The following BTN3A2 variants were observed in gnomAD, a reference collection of about 807,000 sequenced individuals.
The protein encoded by BTN3A2 is butyrophilin protein.
Under a neutral mutation model 37.6 loss-of-function variants are expected in BTN3A2, and 25 were observed. That is an observed-to-expected ratio of 0.66 (90% CI 0.48 to 0.93). The LOEUF is 0.93. Among genes scored for constraint, BTN3A2 ranks in the 40% least tolerant of loss-of-function variants. The pLI, the probability that BTN3A2 is intolerant of heterozygous loss-of-function variation, is 0.00. For synonymous variants in BTN3A2, 122 were observed against 159.4 expected (o/e 0.77, Z 1.77); for missense variants, 266 against 410.9 (o/e 0.65, Z 3.05).
intron 8 of BTN3A2, chr6:26,373,910 C>T (rs1760409017): frequency 1.1e-5 from 2 of 182,716 alleles, no homozygotes; most frequent in Admixed American, 1.2e-4. Context: ...CTTTCAAAAA[C>T]TAGTCCCTGA....
chr6:26,376,140 A>G lies in BTN3A2; in HGVS notation c.*378A>G, dbSNP rs28551159. 15,499 of 211,732 alleles carry G rather than the reference A, an allele frequency of 0.073. 767 individuals carry two copies. Among genetic ancestry groups the G allele is most frequent in the Non-Finnish European group, 0.098 (10,280 of 105,288 alleles). 13.1% of individuals were successfully genotyped at this position (211,732 alleles called of 1,614,324 possible). ...AGGCAGGAGAATGGCATGAACCCGG[A>G]AGGCAGAGCTTGCAGTGAGCCGAGA... On this transcript the variant is annotated 3_prime_UTR_variant, in exon 11 of 11. Transcript: ENST00000377708.
intron 8 of BTN3A2, 163 bp from the exon 9 acceptor site, chr6:26,374,164 T>A: frequency 1.9e-6 from 1 of 520,966 alleles, no homozygotes; most frequent in Non-Finnish European, 3.2e-6. Context: ...GAAAGAATTG[T>A]ACCTGAAGAT....
Position 26,370,347 on chromosome 6 carries a change from A to C in BTN3A2, c.459A>C (p.Glu153Asp). Residue 153 changes from glutamate (E) to aspartate (D), a missense_variant, in exon 5 of 11, where the codon GAA becomes GAC. Transcript: ENST00000377708. Reference protein sequence around the residue: ...VAALGSNLHVEVKGYEDGGIH... With the variant: ...VAALGSNLHVDVKGYEDGGIH... ...CACTGGGTTCTAATCTTCACGTCGAAGTGAAGGGTTATGAGGATGGAGGGA... is the reference window on the plus strand; with the variant it reads ...CACTGGGTTCTAATCTTCACGTCGACGTGAAGGGTTATGAGGATGGAGGGA... 1.2e-6 allele frequency: 2 copies of C among 1,614,178 alleles called. No individual in the cohort carries two copies. The highest frequency in any genetic ancestry group is 1.7e-6 in the Non-Finnish European group (2 of 1,180,014).
At chr6:26,367,452 T>C (rs1759622005) in intron 1 of BTN3A2, among the ~76,000 whole-genome samples, 1 of 152,228 alleles carries the variant, frequency 6.6e-6, no homozygotes, top group Non-Finnish European at 1.5e-5. Context: ...AATGGTTTTG[T>C]CCCATGACTG....
At chr6:26,365,489 T>TGC in intron 1 of BTN3A2, 137 bp downstream of exon 1, 7 of 639,184 alleles carry the variant, frequency 1.1e-5, no homozygotes, top group Non-Finnish European at 1.8e-5. Flanking sequence ...TGTGTGTGTG[T>TGC]GTGTGTGTGT....
In BTN3A2 at chr6:26,375,934, C is replaced by T; in HGVS notation, c.*172C>T. ...GAAAATTAACCTCTGAGGGCCAGCA[C>T]AGCAGCTCATGCCTGTAATCCTAGC... On this transcript the variant is annotated 3_prime_UTR_variant, in exon 11 of 11. Coordinates refer to ENST00000377708, the MANE Select transcript of BTN3A2 (RefSeq NM_007047.5). 1 of 1,376,426 alleles carries T rather than the reference C, an allele frequency of 7.3e-7. No individual in the cohort carries two copies. The highest frequency in any genetic ancestry group is 1.0e-6 in the Non-Finnish European group (1 of 998,124). 85.3% of individuals were successfully genotyped at this position (1,376,426 alleles called of 1,614,324 possible). A position where few individuals can be genotyped will look rare whatever the true frequency, so the allele number is the denominator to read the frequency against.
In BTN3A2 at chr6:26,375,798, T is replaced by G. The variant is rs181807690; in HGVS notation, c.*36T>G. The G allele has an allele frequency of 4.2e-4, 654 of 1,550,344 alleles. 6 individuals carry two copies. The highest frequency in any genetic ancestry group is 3.6e-3 in the Admixed American group (184 of 50,980). On this transcript the variant is annotated splice_region_variant and 3_prime_UTR_variant, in exon 11 of 11. Transcript: ENST00000377708. Reference sequence around the variant, plus strand: ...CATATGTTTATCCCCATTTTTCAGGTGAGGAAATGCTTCAGATGAGGCTCC... The same window carrying G: ...CATATGTTTATCCCCATTTTTCAGGGGAGGAAATGCTTCAGATGAGGCTCC...
At position 26,376,677 on chromosome 6, in the gene BTN3A2, C is replaced by A. The variant is rs775902280; in HGVS notation, c.*915C>A. 8.6e-5 allele frequency: 132 copies of A among 1,528,096 alleles called. No homozygotes were observed. The highest frequency in any genetic ancestry group is 3.7e-4 in the Admixed American group (22 of 59,730). 94.7% of individuals were successfully genotyped at this position (1,528,096 alleles called of 1,614,324 possible). A position where few individuals can be genotyped will look rare whatever the true frequency, so the allele number is the denominator to read the frequency against. ...GGAGCCCCATGACCTACCAGACAAC[C>A]CTGAGAGATTTGAATGGCGTTACTG... On this transcript the variant is annotated 3_prime_UTR_variant, in exon 11 of 11. Transcript: ENST00000377708.
In BTN3A2 at chr6:26,376,482, C is replaced by A. The variant is rs1420850171; in HGVS notation, c.*720C>A. The A allele has an allele frequency of 8.8e-7, 1 of 1,134,750 alleles. No individual in the cohort carries two copies. The highest frequency in any genetic ancestry group is 1.2e-6 in the Non-Finnish European group (1 of 838,678). 70.3% of individuals were successfully genotyped at this position (1,134,750 alleles called of 1,614,324 possible). The stretch of plus-strand genomic sequence containing the variant: ...TAGGGACACGGGGTTCTGGAAGGAC[C>A]TCCTCAGCATGGCCCAAGCCTTGCA... On this transcript the variant is annotated 3_prime_UTR_variant, in exon 11 of 11. Transcript: ENST00000377708.
intron 4 of BTN3A2, among the ~76,000 whole-genome samples, 185 bp from the exon 5 acceptor site, chr6:26,370,137 G>C (rs34436535): frequency 0.077 from 11,713 of 152,244 alleles, 568 homozygotes; most frequent in Non-Finnish European, 0.11. Context: ...TAGCCCCACT[G>C]TTTCTGACCC....
intron 4 of BTN3A2, 30 bp from the exon 5 acceptor site, chr6:26,370,292 C>A: frequency 6.2e-7 from 1 of 1,610,534 alleles, no homozygotes; most frequent in Non-Finnish European, 8.5e-7. Flanking sequence ...AGGAGCTATC[C>A]AGAATTTAGG....
chr6:26,371,425 A>T (rs1760102457), intron 5 of BTN3A2, among the ~76,000 whole-genome samples: 1 of 152,206 alleles, frequency 6.6e-6, no homozygotes. Context: ...ATTTGCAAAA[A>T]TCAAAACTGC....
In BTN3A2 at chr6:26,376,422, A is replaced by G; in HGVS notation, c.*660A>G. 3.3e-6 allele frequency: 2 copies of G among 602,238 alleles called. No individual in the cohort carries two copies. Among genetic ancestry groups the G allele is most frequent in the Non-Finnish European group, 2.5e-6 (1 of 403,732 alleles). 37.3% of individuals were successfully genotyped at this position (602,238 alleles called of 1,614,324 possible). On this transcript the variant is annotated 3_prime_UTR_variant, in exon 11 of 11. Transcript: ENST00000377708. Reference sequence around the variant, plus strand: ...CACTAGACCCCTGGGGCTTTCACCAATGACATTGATGAGAGAATCACATTC... The same window carrying G: ...CACTAGACCCCTGGGGCTTTCACCAGTGACATTGATGAGAGAATCACATTC...
Position 26,377,457 on chromosome 6 carries a change from C to A in BTN3A2, c.*1695C>A. ...GTGAACAACAGAGCTGGGATCTGAA[C>A]AACAATGACTAACATTAATGGAGAA... On this transcript the variant is annotated 3_prime_UTR_variant, in exon 11 of 11. Coordinates refer to ENST00000377708, the MANE Select transcript of BTN3A2 (RefSeq NM_007047.5). The A allele has an allele frequency of 4.7e-6, 2 of 426,144 alleles. No individual in the cohort carries two copies. Among genetic ancestry groups the A allele is most frequent in the Non-Finnish European group, 8.7e-6 (2 of 229,790 alleles). The allele number at this position is 426,144 out of a possible 1,614,324, so 26.4% of individuals were successfully genotyped here.
chr6:26,376,787 A>G lies in BTN3A2; in HGVS notation c.*1025A>G. On this transcript the variant is annotated 3_prime_UTR_variant, in exon 11 of 11. Transcript: ENST00000377708. ...ACAGAAAAGAGTGGCATATTGGGGT[A>G]TGTAGTAAGAACGTGGAGAGGAAAA... 6.2e-7 allele frequency: 1 copy of G among 1,612,104 alleles called. No individual in the cohort carries two copies. Among genetic ancestry groups the G allele is most frequent in the Middle Eastern group, 1.7e-4 (1 of 6,050 alleles).
rs758725669 is a variant in BTN3A2 at position 26,368,645 on chromosome 6, C to G, written c.166C>G (p.Pro56Ala). 1.3e-4 allele frequency: 215 copies of G among 1,613,934 alleles called. No individual in the cohort carries two copies. The highest frequency in any genetic ancestry group is 1.8e-4 in the Non-Finnish European group (211 of 1,179,888). Residue 56 changes from proline to alanine, a missense_variant, in exon 4 of 11, where the codon CCG becomes GCG. Physicochemically the swap from Pro to Ala is conservative, Grantham distance 27. Coordinates refer to ENST00000377708, the MANE Select transcript of BTN3A2 (RefSeq NM_007047.5). ...CGCTGATCTGCCCTGTCACCTGTTC[C>G]CGACCATGAGTGCAGAGACCATGGA... ...EDADLPCHLFPTMSAETMELK... is the reference protein window; with the variant it reads ...EDADLPCHLFATMSAETMELK...
chr6:26,371,051 G>T (rs544294385), intron 5 of BTN3A2, among the ~76,000 whole-genome samples: 329 of 152,222 alleles, frequency 2.2e-3, no homozygotes, highest in Non-Finnish European at 3.8e-3. Flanking sequence ...GATCATTGAG[G>T]CCAGGAGTTT....
At chr6:26,373,135 G>C (rs369322724) in intron 6 of BTN3A2, 38 bp downstream of exon 6, 7 of 1,609,358 alleles carry the variant, frequency 4.3e-6, no homozygotes, top group Non-Finnish European at 5.9e-6. Flanking sequence ...CTCTTGGCTT[G>C]CATGCCCCAG....
chr6:26,370,746 C>T (rs1760030423), intron 5 of BTN3A2, 143 bp downstream of exon 5: 5 of 1,389,758 alleles, frequency 3.6e-6, no homozygotes, highest in African/African-American at 1.5e-5. Flanking sequence ...CTCTTTGTGC[C>T]AGGGGAGCTT....
Sources: gnomAD v4.1 joint callset for allele counts (sites outside exome capture counted in the v4.1 genomes callset) on GRCh38, gnomAD v4.1.1 for gene constraint, MANE v1.5 for transcripts, NCBI Gene and HGNC (gene_info 2026-07-23, HGNC 2026-07-21) for gene names.